CDH13: variants seen among roughly 807,000 people sequenced by gnomAD.
CDH13 encodes cadherin 13.
In CDH13, 24 loss-of-function variants were observed where a neutral mutation model predicts 63.8. The observed-to-expected ratio is 0.38, with a 90% CI of 0.27 to 0.53. The LOEUF (loss-of-function observed/expected upper bound fraction) is 0.53, where lower values mean the gene tolerates loss of function less well. Ranked by LOEUF, CDH13 falls within the 20% of genes least tolerant of loss-of-function variation. The pLI, the probability that CDH13 is intolerant of heterozygous loss-of-function variation, is 0.85. For synonymous variants in CDH13, 503 were observed against 355.3 expected, an observed-to-expected ratio of 1.42 and a Z score of -4.67; for missense variants, 1,049 against 903.1, an observed-to-expected ratio of 1.16 and a Z score of -2.07.
At chr16:83,650,966 T>A (rs1036742458) in intron 8 of CDH13, among the ~76,000 whole-genome samples, 1 of 151,516 alleles carries the variant, frequency 6.6e-6, no homozygotes, top group African/African-American at 2.4e-5. Context: ...TATAGTGTGG[T>A]GTCACATGCC....
Position 83,240,715 on chromosome 16 carries a change from A to AC in CDH13, c.636+23218_636+23219insC, listed in dbSNP as rs1567531884. On this transcript the variant is annotated intron_variant, in intron 5 of 13. Coordinates refer to ENST00000567109, the MANE Select transcript of CDH13 (RefSeq NM_001257.5). ...ACATGACTTTAAATTTACTGTCTTA[A>AC]TCTTTTTTTTTTTTTTTTTTTTTTT... Among the ~76,000 whole-genome samples, 2 of 49,514 alleles carry AC rather than the reference A, an allele frequency of 4.0e-5. 1 individual carries two copies. The highest frequency in any genetic ancestry group is 8.4e-5 in the Non-Finnish European group (2 of 23,722). 32.5% of individuals were successfully genotyped at this position (49,514 alleles called of 152,430 possible).
intron 5 of CDH13, among the ~76,000 whole-genome samples, chr16:83,342,850 T>TTG (rs2090757520): frequency 6.9e-6 from 1 of 144,396 alleles, no homozygotes; most frequent in South Asian, 2.3e-4. Context: ...TCTGTTTTTT[T>TTG]TTTTTTTTTT....
chr16:82,768,258 G>T (rs1298939746), intron 1 of CDH13, among the ~76,000 whole-genome samples: 1 of 152,164 alleles, frequency 6.6e-6, no homozygotes, highest in Non-Finnish European at 1.5e-5. Context: ...CCCTGCAGTG[G>T]CCTGACTGTG....
chr16:82,745,194 T>G (rs1271397212), intron 1 of CDH13, among the ~76,000 whole-genome samples: 1 of 152,150 alleles, frequency 6.6e-6, no homozygotes, highest in African/African-American at 2.4e-5. Flanking sequence ...CAGGCTGACT[T>G]GGAGTTGTGT....
intron 7 of CDH13, among the ~76,000 whole-genome samples, chr16:83,520,056 C>T (rs1009636249): frequency 2.0e-5 from 3 of 152,134 alleles, no homozygotes; most frequent in Admixed American, 2.0e-4. Flanking sequence ...ATTGCTAAAA[C>T]TTAAAGGACT....
intron 8 of CDH13, among the ~76,000 whole-genome samples, chr16:83,660,831 T>A (rs1163881982): frequency 6.6e-6 from 1 of 152,228 alleles, no homozygotes; most frequent in Non-Finnish European, 1.5e-5. Flanking sequence ...GATGAACAAA[T>A]GTGTTTTGCA....
chr16:82,934,851 C>G lies in CDH13; in HGVS notation c.157+76378C>G, dbSNP rs138934706. Among the ~76,000 whole-genome samples the G allele has an allele frequency of 3.9e-5, 6 of 152,274 alleles. No homozygotes were observed. In the East Asian group the frequency reaches 1.2e-3, roughly 30 times the overall value. ...TCACCTCAGCCTGGACTTCATTGTCCATATCACCATCAGCATTTTGGTCAA... is the reference window on the plus strand; with the variant it reads ...TCACCTCAGCCTGGACTTCATTGTCGATATCACCATCAGCATTTTGGTCAA... On this transcript the variant is annotated intron_variant, in intron 2 of 13. Coordinates refer to ENST00000567109, the MANE Select transcript of CDH13 (RefSeq NM_001257.5).
intron 3 of CDH13, among the ~76,000 whole-genome samples, chr16:83,092,255 C>G (rs1245989539): frequency 6.6e-6 from 1 of 152,220 alleles, no homozygotes; most frequent in African/African-American, 2.4e-5. Flanking sequence ...CCTAAATTTT[C>G]TAATTCAAGT....
intron 4 of CDH13, among the ~76,000 whole-genome samples, chr16:83,147,261 C>T (rs1009047845): frequency 6.6e-6 from 1 of 152,216 alleles, no homozygotes; most frequent in Admixed American, 6.5e-5. Flanking sequence ...CTGTTTTCCA[C>T]ATCCACCTTC....
intron 7 of CDH13, among the ~76,000 whole-genome samples, chr16:83,563,339 G>A (rs2075740564): frequency 6.6e-6 from 1 of 152,224 alleles, no homozygotes; most frequent in South Asian, 2.1e-4. Context: ...GGACTCCTGA[G>A]ATGGACAACT....
chr16:82,905,181 C>T (rs1354804969), intron 2 of CDH13, among the ~76,000 whole-genome samples: 4 of 152,198 alleles, frequency 2.6e-5, no homozygotes, highest in East Asian at 1.9e-4. Context: ...TGTGTTTAGA[C>T]GGGAGAAAGA....
At chr16:82,933,842 C>T (rs1406554995) in intron 2 of CDH13, among the ~76,000 whole-genome samples, 1 of 152,230 alleles carries the variant, frequency 6.6e-6, no homozygotes, top group African/African-American at 2.4e-5. Context: ...TCTCCTTTGA[C>T]TCTGTGTCTC....
intron 1 of CDH13, among the ~76,000 whole-genome samples, chr16:82,771,713 T>A (rs1258723294): frequency 3.9e-5 from 6 of 152,160 alleles, no homozygotes; most frequent in African/African-American, 1.4e-4. Context: ...GGTCCTGGGA[T>A]GAGAATTTGT....
intron 1 of CDH13, among the ~76,000 whole-genome samples, chr16:82,687,946 C>T (rs531608738): frequency 2.6e-4 from 39 of 152,190 alleles, no homozygotes; most frequent in African/African-American, 5.5e-4. Flanking sequence ...TGCTTGGGAC[C>T]GCGTTCGTAG....
At chr16:82,998,214 C>T (rs1912463644) in intron 2 of CDH13, among the ~76,000 whole-genome samples, 1 of 152,112 alleles carries the variant, frequency 6.6e-6, no homozygotes, top group Non-Finnish European at 1.5e-5. Context: ...GTATCATTTT[C>T]CCTAGAATAA....
chr16:82,881,714 C>T (rs1423165199), intron 2 of CDH13, among the ~76,000 whole-genome samples: 1 of 152,156 alleles, frequency 6.6e-6, no homozygotes, highest in African/African-American at 2.4e-5. Context: ...CTTCCATAGT[C>T]ACTATTGCCC....
chr16:83,252,262 C>T (rs1328073860), intron 5 of CDH13, among the ~76,000 whole-genome samples: 2 of 37,202 alleles, frequency 5.4e-5, no homozygotes, highest in Admixed American at 3.1e-4. Context: ...TTTGCTACAT[C>T]TTTTTTTTCT....
At chr16:82,745,158 G>C (rs181914681) in intron 1 of CDH13, among the ~76,000 whole-genome samples, 1 of 152,264 alleles carries the variant, frequency 6.6e-6, no homozygotes, top group East Asian at 1.9e-4. Flanking sequence ...AAAGAATACT[G>C]TTGAATCTGG....
Position 83,216,439 on chromosome 16 carries a change from T to TACACACAC in CDH13, c.484-905_484-904insCACACACA, listed in dbSNP as rs1419896545. 7.4e-3 allele frequency among the ~76,000 whole-genome samples: 799 copies of TACACACAC among 108,198 alleles called. 50 individuals carry two copies. The highest frequency in any genetic ancestry group is 0.028 in the African/African-American group (736 of 26,724). The allele number at this position is 108,198 out of a possible 152,430, so 71.0% of individuals were successfully genotyped here. On this transcript the variant is annotated intron_variant, in intron 4 of 13. Coordinates refer to ENST00000567109, the MANE Select transcript of CDH13 (RefSeq NM_001257.5). Reference sequence around the variant, plus strand: ...ATATATATATATATATATATATATATATATACACAACCCTAATTTGAGGTT... The same window carrying TACACACAC: ...ATATATATATATATATATATATATATACACACACATATACACAACCCTAATTTGAGGTT...
Sources: allele counts gnomAD v4.1 joint callset (sites outside exome capture counted in the v4.1 genomes callset), GRCh38; gene constraint gnomAD v4.1.1; transcripts MANE v1.5; gene names NCBI Gene and HGNC (gene_info 2026-07-23, HGNC 2026-07-21).